IDH3A: variants seen among roughly 807,000 people sequenced by gnomAD.
IDH3A encodes isocitrate dehydrogenase (NAD(+)) 3 catalytic subunit alpha, also known as isocitrate dehydrogenase [NAD] subunit alpha, mitochondrial.
In IDH3A, 23 loss-of-function variants were observed where a neutral mutation model predicts 43.3. That is an observed-to-expected ratio of 0.53 (90% CI 0.38 to 0.75). The LOEUF is 0.75. Among genes scored for constraint, IDH3A ranks in the 30% least tolerant of loss-of-function variants. IDH3A has a pLI of 0.00. For missense variants in IDH3A, 329 were observed against 474.4 expected (o/e 0.69, Z 2.85); for synonymous variants, 154 against 163.5 (o/e 0.94, Z 0.44).
chr15:78,164,986 C>A lies in IDH3A; in HGVS notation c.780-6C>A. 3 of 1,607,636 alleles carry A rather than the reference C, an allele frequency of 1.9e-6. No homozygotes were observed. Among genetic ancestry groups the A allele is most frequent in the Non-Finnish European group, 2.6e-6 (3 of 1,175,914 alleles). ...AACATTCTTTGAAATGCTTTTCTTC[C>A]GCTAGTGACTTGTGTGCAGGATTGA... On this transcript the variant is annotated splice_region_variant and splice_polypyrimidine_tract_variant and intron_variant, in intron 8 of 10. Coordinates refer to ENST00000299518, the MANE Select transcript of IDH3A (RefSeq NM_005530.3).
intron 9 of IDH3A, 51 bp downstream of exon 9, chr15:78,165,127 C>T (rs747115957): frequency 2.7e-6 from 3 of 1,101,702 alleles, no homozygotes; most frequent in East Asian, 2.4e-5. Flanking sequence ...AGCGTGTGAA[C>T]TCAGGAGGAG....
At chr15:78,165,166 G>T in intron 9 of IDH3A, 90 bp downstream of exon 9, 4 of 772,532 alleles carry the variant, frequency 5.2e-6, no homozygotes, top group South Asian at 1.5e-5. Flanking sequence ...TTTAACTCCA[G>T]TTTTTCAAAT....
Position 78,166,154 on chromosome 15 carries a change from A to T in IDH3A, c.869A>T (p.His290Leu). 6.2e-7 allele frequency: 1 copy of T among 1,613,740 alleles called. No individual in the cohort carries two copies. Among genetic ancestry groups the T allele is most frequent in the Non-Finnish European group, 8.5e-7 (1 of 1,179,680 alleles). ...GCTACTTTTCCCGATGTGTAGGTTCATGGGACGGCTCCAGACATTGCAGGC... is the reference window on the plus strand; with the variant it reads ...GCTACTTTTCCCGATGTGTAGGTTCTTGGGACGGCTCCAGACATTGCAGGC... ...ANGVAIFESVHGTAPDIAGKD... is the reference protein window; with the variant it reads ...ANGVAIFESVLGTAPDIAGKD... Residue 290 changes from histidine to leucine, a missense_variant, in exon 10 of 11, where the codon CAT (histidine) becomes CTT (leucine). His to Leu is a moderately conservative substitution (Grantham distance 99). This residue lies in a region of IDH3A where 91 missense variants were observed against 111.6 expected (regional missense o/e 0.82). Transcript: ENST00000299518.
In IDH3A at chr15:78,162,387, C is replaced by T. The variant is rs1382588839; in HGVS notation, c.611+20C>T. The stretch of plus-strand genomic sequence containing the variant: ...CATCATGTGAGCTCCTTGCGGGGGC[C>T]GGCACCCCATCTTGCTTTGTTGTGG... On this transcript the variant is annotated intron_variant, in intron 6 of 10. Coordinates refer to ENST00000299518, the MANE Select transcript of IDH3A (RefSeq NM_005530.3). The T allele has an allele frequency of 3.1e-6, 5 of 1,611,102 alleles. No individual in the cohort carries two copies. The highest frequency in any genetic ancestry group is 2.2e-5 in the South Asian group (2 of 90,910).
chr15:78,156,570 A>G (rs568000083), intron 2 of IDH3A, among the ~76,000 whole-genome samples: 1 of 152,230 alleles, frequency 6.6e-6, no homozygotes, highest in Non-Finnish European at 1.5e-5. Context: ...TAATTAGTCC[A>G]CGTATCTGGG....
At chr15:78,166,045 A>T in intron 9 of IDH3A, 105 bp from the exon 10 acceptor site, 1 of 1,043,452 alleles carries the variant, frequency 9.6e-7, no homozygotes, top group East Asian at 2.4e-5. Flanking sequence ...CTTTCAGTGC[A>T]TATTTTGTAT....
intron 3 of IDH3A, chr15:78,159,887 C>G: frequency 2.0e-6 from 1 of 489,136 alleles, no homozygotes. Flanking sequence ...CCCAGCTACT[C>G]AGGAGGCTGA....
At chr15:78,149,942 G>C (rs1424722324) in intron 1 of IDH3A, among the ~76,000 whole-genome samples, 1 of 152,264 alleles carries the variant, frequency 6.6e-6, no homozygotes, top group African/African-American at 2.4e-5. Context: ...GGTTTTCCCA[G>C]GTGAGAGAAT....
intron 1 of IDH3A, chr15:78,151,617 C>T (rs1346660164): frequency 6.6e-6 from 1 of 151,370 alleles, no homozygotes; most frequent in Non-Finnish European, 1.5e-5. Flanking sequence ...CCATGTACAA[C>T]ACTATTTACA....
At position 78,169,562 on chromosome 15, in the gene IDH3A, C is replaced by T. The variant is rs1186761145; in HGVS notation, c.*557C>T. The T allele has an allele frequency of 6.6e-6, 1 of 152,006 alleles. No individual in the cohort carries two copies. Among genetic ancestry groups the T allele is most frequent in the East Asian group, 1.9e-4 (1 of 5,198 alleles). The allele number at this position is 152,006 out of a possible 1,614,324, so 9.4% of individuals were successfully genotyped here. On this transcript the variant is annotated 3_prime_UTR_variant, in exon 11 of 11. Coordinates refer to ENST00000299518, the MANE Select transcript of IDH3A (RefSeq NM_005530.3). ...TATGGAAAATAGAGACAGATTTGTCCTTTACAGAAATTACTGAGTGTGAAT... is the reference window on the plus strand; with the variant it reads ...TATGGAAAATAGAGACAGATTTGTCTTTTACAGAAATTACTGAGTGTGAAT...
Position 78,161,484 on chromosome 15 carries a change from C to T in IDH3A, c.290-97C>T. On this transcript the variant is annotated intron_variant, in intron 4 of 10. Coordinates refer to ENST00000299518, the MANE Select transcript of IDH3A (RefSeq NM_005530.3). This position sits in a 1 kb window ranked among gnomAD's most constrained non-coding sequence, Gnocchi z 4.8. ...TCTCAGGTAGAGAGTGAACTAGAGGCAGAACACATTTCACAAGGTAGCCGA... is the reference window on the plus strand; with the variant it reads ...TCTCAGGTAGAGAGTGAACTAGAGGTAGAACACATTTCACAAGGTAGCCGA... 2.3e-6 allele frequency: 2 copies of T among 884,514 alleles called. No individual in the cohort carries two copies. Among genetic ancestry groups the T allele is most frequent in the Non-Finnish European group, 3.6e-6 (2 of 558,470 alleles). 54.8% of individuals were successfully genotyped at this position (884,514 alleles called of 1,614,324 possible).
chr15:78,160,398 T>G (rs995439705), intron 4 of IDH3A, among the ~76,000 whole-genome samples, 192 bp downstream of exon 4: 5 of 152,262 alleles, frequency 3.3e-5, no homozygotes, highest in African/African-American at 1.2e-4. Context: ...TAAAAAACAT[T>G]AAAGTATTAC....
chr15:78,165,084 C>A lies in IDH3A; in HGVS notation c.864+8C>A. 1.3e-6 allele frequency: 2 copies of A among 1,588,152 alleles called. No homozygotes were observed. The highest frequency in any genetic ancestry group is 1.7e-4 in the Middle Eastern group (1 of 6,026). On this transcript the variant is annotated splice_region_variant and intron_variant, in intron 9 of 10. Transcript: ENST00000299518. Reference sequence around the variant, plus strand: ...GTTGCAATTTTTGAGTCGGTAAGGACCCTGACACCTGAAACAGAACTCAGG... The same window carrying A: ...GTTGCAATTTTTGAGTCGGTAAGGAACCTGACACCTGAAACAGAACTCAGG...
chr15:78,167,604 A>G (rs1034578871), intron 10 of IDH3A: 2 of 152,198 alleles, frequency 1.3e-5, no homozygotes, highest in African/African-American at 2.4e-5. Context: ...ACCATCAGTC[A>G]TCTCCAGACC....
At chr15:78,152,676 C>T (rs924022518) in intron 1 of IDH3A, among the ~76,000 whole-genome samples, 1 of 152,012 alleles carries the variant, frequency 6.6e-6, no homozygotes, top group Admixed American at 6.6e-5. Flanking sequence ...CACTTTTATG[C>T]TCTGCTTGTC....
At chr15:78,156,796 T>A in intron 2 of IDH3A, 1 of 821,014 alleles carries the variant, frequency 1.2e-6, no homozygotes, top group Non-Finnish European at 1.7e-6. Flanking sequence ...TCGTTTTGCC[T>A]GAAGCCTTAG....
chr15:78,163,848 G>C, intron 8 of IDH3A, 68 bp downstream of exon 8: 1 of 999,210 alleles, frequency 1.0e-6, no homozygotes. Context: ...AATAATTATG[G>C]CTTAACATTT....
At position 78,162,217 on chromosome 15, in the gene IDH3A, G is replaced by A; in HGVS notation, c.478-17G>A. On this transcript the variant is annotated splice_polypyrimidine_tract_variant and intron_variant, in intron 5 of 10. Transcript: ENST00000299518. ...TGTCACACTCTTTCCAGCAAGGTGG[G>A]ACTTCCTGTCTTGCAGATTGTTGAT... The A allele has an allele frequency of 6.2e-7, 1 of 1,613,940 alleles. No individual in the cohort carries two copies. Among genetic ancestry groups the A allele is most frequent in the South Asian group, 1.1e-5 (1 of 91,078 alleles).
chr15:78,159,021 C>T (rs577429469), intron 3 of IDH3A, among the ~76,000 whole-genome samples: 5 of 152,000 alleles, frequency 3.3e-5, no homozygotes, highest in South Asian at 2.1e-4. Context: ...TTAGTAGAGG[C>T]GGGGTTTCAC....
Sources: allele counts gnomAD v4.1 joint callset (sites outside exome capture counted in the v4.1 genomes callset), GRCh38; gene constraint gnomAD v4.1.1; regional missense constraint gnomAD v4.1.1; non-coding constraint Gnocchi (gnomAD v3.1); transcripts MANE v1.5; gene names NCBI Gene and HGNC (gene_info 2026-07-23, HGNC 2026-07-21).